PDILT: variants seen among roughly 807,000 people sequenced by gnomAD.
PDILT encodes the protein protein disulfide isomerase like, testis expressed.
In PDILT, 43 loss-of-function variants were observed where a neutral mutation model predicts 53.7. The ratio of observed to expected loss-of-function variants is 0.80; its 90% confidence interval spans 0.63 to 1.03. The LOEUF (loss-of-function observed/expected upper bound fraction) is 1.03, where lower values mean the gene tolerates loss of function less well. Ranked by LOEUF, PDILT falls within the 50% of genes least tolerant of loss-of-function variation. The probability of loss-of-function intolerance (pLI) is 0.00; values close to 1 mark genes in which losing one functional copy is unlikely to be tolerated. For missense variants in PDILT, 727 were observed against 712.3 expected, an observed-to-expected ratio of 1.02 and a Z score of -0.24; for synonymous variants, 282 against 274.2, an observed-to-expected ratio of 1.03 and a Z score of -0.28.
Position 20,360,662 on chromosome 16 carries a change from G to C in PDILT, c.1417-5C>G. 1 of 1,602,218 alleles carries C rather than the reference G, an allele frequency of 6.2e-7. No homozygotes were observed. The highest frequency in any genetic ancestry group is 8.6e-7 in the Non-Finnish European group (1 of 1,169,302). ...TTCTCCCTTATACAGGACAGCCTAG[G>C]ATGAAAATGGAACAGGGTCAGGATG... On this transcript the variant is annotated splice_polypyrimidine_tract_variant and splice_region_variant and intron_variant, in intron 10 of 11. Coordinates refer to ENST00000302451, the MANE Select transcript of PDILT (RefSeq NM_174924.2).
intron 8 of PDILT, among the ~76,000 whole-genome samples, chr16:20,367,075 CTTTCTTTCTTTCTTTCTTTCTTT>C (rs1966220411): frequency 1.6e-5 from 2 of 121,672 alleles, no homozygotes; most frequent in Non-Finnish European, 1.7e-5. Flanking sequence ...TTCTTTCTTT[CTTTCTTTCTTTCTTTCTTTCTTT>C]CTTTCTTCCT....
rs531082735 is a variant in PDILT at position 20,376,026 on chromosome 16, C to A, written c.543+42G>T. 5.6e-6 allele frequency: 9 copies of A among 1,611,340 alleles called. No homozygotes were observed. In the African/African-American group the frequency reaches 1.2e-4, roughly 22 times the overall value. The stretch of plus-strand genomic sequence containing the variant: ...CCACCCCCTCCCAGACACAGCACTT[C>A]TCATCAGTTGAAAGCCTCCTCCCAC... On this transcript the variant is annotated intron_variant, in intron 4 of 11. Coordinates refer to ENST00000302451, the MANE Select transcript of PDILT (RefSeq NM_174924.2).
intron 7 of PDILT, among the ~76,000 whole-genome samples, chr16:20,371,217 A>G (rs891382720): frequency 6.6e-6 from 1 of 152,198 alleles, no homozygotes; most frequent in Non-Finnish European, 1.5e-5. Flanking sequence ...AGGTCCAGTA[A>G]GGAGCTTGGG....
chr16:20,366,645 G>C lies in PDILT; in HGVS notation c.1117-1105C>G, dbSNP rs577715165. On this transcript the variant is annotated intron_variant, in intron 8 of 11. Coordinates refer to ENST00000302451, the MANE Select transcript of PDILT (RefSeq NM_174924.2). Reference sequence around the variant, plus strand: ...TTTTGCAACTGAATGAACAAAAAATGAGCTCAGCTTTTGCTTCTTTTTGAA... The same window carrying C: ...TTTTGCAACTGAATGAACAAAAAATCAGCTCAGCTTTTGCTTCTTTTTGAA... Among the ~76,000 whole-genome samples the C allele has an allele frequency of 2.0e-5, 3 of 152,262 alleles. No individual in the cohort carries two copies. In the East Asian group the frequency reaches 5.8e-4, roughly 29 times the overall value.
chr16:20,367,011 T>A (rs986754880), intron 8 of PDILT, among the ~76,000 whole-genome samples: 1 of 148,588 alleles, frequency 6.7e-6, no homozygotes, highest in Admixed American at 6.8e-5. Context: ...TTTATTTATT[T>A]CTCTCTCTCT....
At chr16:20,359,883 A>G (rs1020226566) in intron 11 of PDILT, among the ~76,000 whole-genome samples, 3 of 152,190 alleles carry the variant, frequency 2.0e-5, no homozygotes, top group African/African-American at 7.2e-5. Context: ...GTCTTAGCTA[A>G]TGAGATCTCT....
At chr16:20,404,294 G>A (rs1017950430) in intron 1 of PDILT, among the ~76,000 whole-genome samples, 5 of 152,174 alleles carry the variant, frequency 3.3e-5, no homozygotes, top group African/African-American at 4.8e-5. Flanking sequence ...CCCAAACCCA[G>A]TAGGTTCTAA....
intron 1 of PDILT, among the ~76,000 whole-genome samples, chr16:20,403,764 T>C (rs1183887762): frequency 6.6e-6 from 1 of 152,180 alleles, no homozygotes; most frequent in Non-Finnish European, 1.5e-5. Context: ...TGGACCCATC[T>C]GACCTTATCG....
Position 20,377,147 on chromosome 16 carries a change from G to T in PDILT, c.410-946C>A, listed in dbSNP as rs1210134634. ...CAAAAAACAAAAGAAAATTAGCCAG[G>T]CATGGTGGCATGTGTCTGTAGTCCC... On this transcript the variant is annotated intron_variant, in intron 3 of 11. Transcript: ENST00000302451. 2.0e-5 allele frequency among the ~76,000 whole-genome samples: 3 copies of T among 152,098 alleles called. No homozygotes were observed. The East Asian group carries it at 5.8e-4, about 29-fold the overall frequency.
At chr16:20,365,582 G>C (rs1966179189) in intron 8 of PDILT, 42 bp from the exon 9 acceptor site, 1 of 1,595,966 alleles carries the variant, frequency 6.3e-7, no homozygotes, top group African/African-American at 1.4e-5. Flanking sequence ...TTCATAAAGG[G>C]TCTTGAAGTT....
At chr16:20,403,309 G>A (rs1316544419) in intron 1 of PDILT, among the ~76,000 whole-genome samples, 1 of 152,120 alleles carries the variant, frequency 6.6e-6, no homozygotes, top group Admixed American at 6.5e-5. Flanking sequence ...TATTGTTTGA[G>A]ACAGAGTTTT....
chr16:20,376,000 A>T, intron 4 of PDILT, 68 bp downstream of exon 4: 2 of 1,584,962 alleles, frequency 1.3e-6, no homozygotes, highest in Non-Finnish European at 1.7e-6. Flanking sequence ...GTCTCCTCAC[A>T]CCACCCCCTC....
intron 2 of PDILT, among the ~76,000 whole-genome samples, chr16:20,397,410 C>T (rs938407523): frequency 1.3e-5 from 2 of 152,056 alleles, no homozygotes; most frequent in African/African-American, 2.4e-5. Flanking sequence ...CCCAAAGTGC[C>T]AGGGTTACAG....
At position 20,374,926 on chromosome 16, in the gene PDILT, C is replaced by T. The variant is rs755298195; in HGVS notation, c.577G>A (p.Asp193Asn). ...AGCTCTGGAAAGTCTTTGATCACATCATAGAACAACTCTGCTACTTCTTCC... is the reference window on the plus strand; with the variant it reads ...AGCTCTGGAAAGTCTTTGATCACATTATAGAACAACTCTGCTACTTCTTCC... The part of the protein sequence containing the change: ...LEEEVAELFY[D>N]VIKDFPELTF... Residue 193 changes from aspartate (D) to asparagine (N), a missense_variant, in exon 5 of 12, where the codon GAT (aspartate) becomes AAT (asparagine). Asp to Asn is a conservative substitution (Grantham distance 23). Transcript: ENST00000302451. 4 of 1,613,304 alleles carry T rather than the reference C, an allele frequency of 2.5e-6. No homozygotes were observed. In the East Asian group the frequency reaches 8.9e-5, roughly 36 times the overall value.
At chr16:20,373,201 T>C (rs1438244209) in intron 5 of PDILT, 79 bp from the exon 6 acceptor site, 1 of 1,203,688 alleles carries the variant, frequency 8.3e-7, no homozygotes, top group Admixed American at 1.8e-5. Context: ...TAGCACAATT[T>C]TCTCCTTGGA....
intron 1 of PDILT, among the ~76,000 whole-genome samples, chr16:20,402,011 C>A (rs1307528421): frequency 6.6e-6 from 1 of 152,272 alleles, no homozygotes; most frequent in East Asian, 1.9e-4. Context: ...GTCGGTCAGA[C>A]TCTGGCCACC....
Position 20,399,119 on chromosome 16 carries a change from C to T in PDILT, c.182G>A (p.Arg61His), listed in dbSNP as rs772997693. ...CTCACGGAAAAGCACCATGAGGAAG[C>T]GGGTCTGGTTCAGCATCTGGGTCAG... is the stretch of plus-strand genomic sequence containing the variant. Reference protein sequence around the residue: ...AGLTQMLNQTRFLMVLFHNPS... With the variant: ...AGLTQMLNQTHFLMVLFHNPS... Residue 61 changes from arginine to histidine, a missense_variant, in exon 2 of 12, where the codon CGC becomes CAC. Arg to His is a conservative substitution (Grantham distance 29). Transcript: ENST00000302451. 2.0e-5 allele frequency: 32 copies of T among 1,614,058 alleles called. No homozygotes were observed. The highest frequency in any genetic ancestry group is 2.0e-5 in the Non-Finnish European group (24 of 1,180,028).
Position 20,364,806 on chromosome 16 carries a change from T to C in PDILT, c.1237+614A>G, listed in dbSNP as rs913280123. On this transcript the variant is annotated intron_variant, in intron 9 of 11. Coordinates refer to ENST00000302451, the MANE Select transcript of PDILT (RefSeq NM_174924.2). Reference sequence around the variant, plus strand: ...ATTGTCACTTATCAAGTGCTTACAATATGCCAGACGCTGTGCTAAGTACTG... The same window carrying C: ...ATTGTCACTTATCAAGTGCTTACAACATGCCAGACGCTGTGCTAAGTACTG... Among the ~76,000 whole-genome samples the C allele has an allele frequency of 2.0e-5, 3 of 152,216 alleles. No individual in the cohort carries two copies. The East Asian group carries it at 5.8e-4, about 29-fold the overall frequency.
At chr16:20,371,713 T>TA (rs959808265) in intron 7 of PDILT, among the ~76,000 whole-genome samples, 27 of 151,710 alleles carry the variant, frequency 1.8e-4, no homozygotes, top group East Asian at 1.9e-4. Context: ...ATTGAAGAGT[T>TA]AAAAAAAATG....
Sources: gnomAD v4.1 joint callset for allele counts (sites outside exome capture counted in the v4.1 genomes callset) on GRCh38, gnomAD v4.1.1 for gene constraint, MANE v1.5 for transcripts, NCBI Gene and HGNC (gene_info 2026-07-23, HGNC 2026-07-21) for gene names.